The following THSD7A variants were observed in gnomAD, a reference collection of about 807,000 sequenced individuals.
THSD7A encodes the protein thrombospondin type-1 domain-containing protein 7A.
Under a neutral mutation model 231.3 loss-of-function variants are expected in THSD7A, and 96 were observed. The observed-to-expected ratio is 0.41, with a 90% CI of 0.35 to 0.49. The LOEUF (loss-of-function observed/expected upper bound fraction) is 0.49, where lower values mean the gene tolerates loss of function less well. Ranked by LOEUF, THSD7A falls within the 20% of genes least tolerant of loss-of-function variation. The probability of loss-of-function intolerance (pLI) is 0.05; values close to 1 mark genes in which losing one functional copy is unlikely to be tolerated. For synonymous variants in THSD7A, 940 were observed against 743.3 expected, an observed-to-expected ratio of 1.26 and a Z score of -4.30; for missense variants, 2,290 against 2,070.2, an observed-to-expected ratio of 1.11 and a Z score of -2.06.
chr7:11,693,051 A>G (rs1780282640), intron 1 of THSD7A, among the ~76,000 whole-genome samples: 1 of 151,536 alleles, frequency 6.6e-6, no homozygotes, highest in African/African-American at 2.4e-5. Context: ...TATTCCTCAG[A>G]GTTATTGACC....
chr7:11,814,442 C>G lies in THSD7A; in HGVS notation c.190+17315G>C, dbSNP rs545497801. Among the ~76,000 whole-genome samples, 1 of 152,222 alleles carries G rather than the reference C, an allele frequency of 6.6e-6. No individual in the cohort carries two copies. Among genetic ancestry groups the G allele is most frequent in the South Asian group, 2.1e-4 (1 of 4,820 alleles). On this transcript the variant is annotated intron_variant, in intron 1 of 27. Coordinates refer to ENST00000423059, the MANE Select transcript of THSD7A (RefSeq NM_015204.3). The surrounding 1 kb of genome is among the most constrained non-coding windows in gnomAD (Gnocchi z 5.1). Reference sequence around the variant, plus strand: ...TCATAAAATACTCAAAATAATTTAGCTTTTAGACGATGCTATCAGGGTAGA... The same window carrying G: ...TCATAAAATACTCAAAATAATTTAGGTTTTAGACGATGCTATCAGGGTAGA...
intron 6 of THSD7A, among the ~76,000 whole-genome samples, chr7:11,524,562 G>T (rs1788395152): frequency 6.6e-6 from 1 of 152,146 alleles, no homozygotes; most frequent in Non-Finnish European, 1.5e-5. Context: ...TTTAAGGTAG[G>T]TAGAGAGGTC....
chr7:11,719,953 A>G (rs1781289419), intron 1 of THSD7A, among the ~76,000 whole-genome samples: 1 of 139,948 alleles, frequency 7.1e-6, no homozygotes. Context: ...TCTGTCCTGA[A>G]TGAGATTAGA....
intron 1 of THSD7A, among the ~76,000 whole-genome samples, chr7:11,696,081 G>A (rs1192262134): frequency 6.6e-6 from 1 of 151,476 alleles, no homozygotes; most frequent in Non-Finnish European, 1.5e-5. Flanking sequence ...ATGCTGAGGT[G>A]AGATTCTAGG....
intron 4 of THSD7A, among the ~76,000 whole-genome samples, chr7:11,557,021 A>G (rs1426495630): frequency 6.6e-6 from 1 of 152,044 alleles, no homozygotes; most frequent in Non-Finnish European, 1.5e-5. Flanking sequence ...AGAAGTGTTC[A>G]GCCATTATTT....
At chr7:11,389,521 C>T (rs769617108) in intron 23 of THSD7A, among the ~76,000 whole-genome samples, 11 of 139,864 alleles carry the variant, frequency 7.9e-5, no homozygotes, top group East Asian at 2.3e-4. Flanking sequence ...TGTCTTTGCA[C>T]GTGAGATGGG....
At chr7:11,420,853 G>C (rs1198906650) in intron 16 of THSD7A, among the ~76,000 whole-genome samples, 2 of 152,188 alleles carry the variant, frequency 1.3e-5, no homozygotes, top group African/African-American at 4.8e-5. Flanking sequence ...CTGGATGTGA[G>C]ACACAGAGTC....
rs927401223 is a variant in THSD7A, at chr7:11,371,285, C to G, written c.*4509G>C. ...ATAACTATTTGCTTGGCTCACACAC[C>G]AGTTTCTGATACCTGAAATCCTGTC... On this transcript the variant is annotated 3_prime_UTR_variant, in exon 28 of 28. Transcript: ENST00000423059. 6.6e-6 allele frequency: 1 copy of G among 152,170 alleles called. No homozygotes were observed. The highest frequency in any genetic ancestry group is 1.5e-5 in the Non-Finnish European group (1 of 68,032). 9.4% of individuals were successfully genotyped at this position (152,170 alleles called of 1,614,324 possible).
intron 1 of THSD7A, among the ~76,000 whole-genome samples, chr7:11,795,471 C>T (rs113321995): frequency 0.01 from 1,555 of 151,910 alleles, 28 homozygotes; most frequent in African/African-American, 0.036. Context: ...TAACAGATGG[C>T]CTTTAGTCAC....
intron 4 of THSD7A, among the ~76,000 whole-genome samples, chr7:11,572,529 G>A (rs936042461): frequency 6.6e-6 from 1 of 151,782 alleles, no homozygotes; most frequent in Non-Finnish European, 1.5e-5. Flanking sequence ...CTTTTTGGGG[G>A]GACAGGGTCT....
At chr7:11,815,093 A>AG (rs886766897) in intron 1 of THSD7A, among the ~76,000 whole-genome samples, 11 of 151,718 alleles carry the variant, frequency 7.3e-5, no homozygotes, top group Non-Finnish European at 1.5e-4. Flanking sequence ...CAAAAAAAAA[A>AG]AGAATCTTTT....
At chr7:11,555,961 T>C (rs1789827056) in intron 4 of THSD7A, among the ~76,000 whole-genome samples, 1 of 151,864 alleles carries the variant, frequency 6.6e-6, no homozygotes, top group Non-Finnish European at 1.5e-5. Context: ...TAAACCTGCA[T>C]ATAACATTAT....
At chr7:11,702,937 T>C (rs768682209) in intron 1 of THSD7A, among the ~76,000 whole-genome samples, 5 of 151,260 alleles carry the variant, frequency 3.3e-5, no homozygotes, top group Non-Finnish European at 7.4e-5. Context: ...GGTATAATTA[T>C]TTTAGCTTTC....
intron 1 of THSD7A, among the ~76,000 whole-genome samples, chr7:11,720,028 T>C (rs1781292080): frequency 6.6e-6 from 1 of 151,806 alleles, no homozygotes; most frequent in Non-Finnish European, 1.5e-5. Flanking sequence ...GCCCTCCTTT[T>C]GTCACACCTG....
chr7:11,638,440 T>G (rs902076460), intron 1 of THSD7A, among the ~76,000 whole-genome samples: 2 of 152,184 alleles, frequency 1.3e-5, no homozygotes, highest in African/African-American at 4.8e-5. Flanking sequence ...ATAAAGAATG[T>G]GCCTATCATA....
intron 4 of THSD7A, among the ~76,000 whole-genome samples, chr7:11,569,139 A>G (rs756049615): frequency 7.9e-5 from 12 of 152,190 alleles, no homozygotes; most frequent in Admixed American, 7.9e-4. Context: ...CAAAGATTTT[A>G]TGGTTAAGAC....
chr7:11,399,796 C>T (rs553641266), intron 23 of THSD7A, among the ~76,000 whole-genome samples: 1 of 152,300 alleles, frequency 6.6e-6, no homozygotes, highest in South Asian at 2.1e-4. Context: ...TTTGACCCAG[C>T]CATCCCATTA....
intron 6 of THSD7A, among the ~76,000 whole-genome samples, chr7:11,482,318 A>C (rs1786460770): frequency 6.6e-6 from 1 of 152,202 alleles, no homozygotes; most frequent in Non-Finnish European, 1.5e-5. Flanking sequence ...AAGGAGCATC[A>C]ACAAAGCATG....
intron 1 of THSD7A, among the ~76,000 whole-genome samples, chr7:11,743,607 A>C (rs1782180901): frequency 6.6e-6 from 1 of 151,694 alleles, no homozygotes; most frequent in South Asian, 2.1e-4. Context: ...TTATCATTTC[A>C]TTTTAGAGGC....
Sources: gnomAD v4.1 joint callset for allele counts (sites outside exome capture counted in the v4.1 genomes callset) on GRCh38, gnomAD v4.1.1 for gene constraint, Gnocchi (gnomAD v3.1) non-coding constraint, MANE v1.5 for transcripts, NCBI Gene and HGNC (gene_info 2026-07-23, HGNC 2026-07-21) for gene names.